PTPRM: variants seen among roughly 807,000 people sequenced by gnomAD.
PTPRM encodes receptor-type tyrosine-protein phosphatase mu.
In PTPRM, 47 loss-of-function variants were observed where a neutral mutation model predicts 186.7. The ratio of observed to expected loss-of-function variants is 0.25; its 90% CI spans 0.20 to 0.32. PTPRM has a LOEUF of 0.32. Ranked by LOEUF, PTPRM falls within the 10% of genes least tolerant of loss-of-function variation. PTPRM has a pLI of 1.00. For missense variants in PTPRM, 1,494 were observed against 1,865.0 expected, an observed-to-expected ratio of 0.80 and a Z score of 3.66; for synonymous variants, 668 against 674.9, an observed-to-expected ratio of 0.99 and a Z score of 0.16.
intron 3 of PTPRM, among the ~76,000 whole-genome samples, chr18:7,893,370 T>C (rs2146407601): frequency 6.6e-6 from 1 of 152,324 alleles, no homozygotes. Flanking sequence ...AGGACTATTT[T>C]GAATCTTAGA....
intron 7 of PTPRM, among the ~76,000 whole-genome samples, chr18:7,961,854 G>A (rs2053702819): frequency 6.6e-6 from 1 of 152,170 alleles, no homozygotes. Flanking sequence ...ATATCTGTCT[G>A]CGTAGAGCTA....
intron 14 of PTPRM, among the ~76,000 whole-genome samples, chr18:8,174,666 C>G (rs555400060): frequency 6.6e-6 from 1 of 152,226 alleles, no homozygotes; most frequent in East Asian, 1.9e-4. Flanking sequence ...ATATGCCTTG[C>G]TACCTGAGTA....
intron 1 of PTPRM, among the ~76,000 whole-genome samples, chr18:7,596,979 C>T (rs1172841260): frequency 6.6e-6 from 1 of 151,990 alleles, no homozygotes; most frequent in Admixed American, 6.6e-5. Context: ...TCAGCCTCCC[C>T]GGTAGCTAGA....
chr18:8,382,589 T>G (rs947798003), intron 29 of PTPRM, among the ~76,000 whole-genome samples: 3 of 152,320 alleles, frequency 2.0e-5, no homozygotes, highest in African/African-American at 7.2e-5. Flanking sequence ...ACGGAAGCAT[T>G]ATTTAAAAAT....
intron 1 of PTPRM, chr18:7,747,600 C>T (rs2041025085): frequency 6.6e-6 from 1 of 152,442 alleles, no homozygotes; most frequent in East Asian, 1.9e-4. Context: ...TGTTCCTTGG[C>T]TTTGTAGGTG....
intron 2 of PTPRM, among the ~76,000 whole-genome samples, chr18:7,841,075 C>A (rs1202585129): frequency 6.6e-6 from 1 of 152,082 alleles, no homozygotes; most frequent in Non-Finnish European, 1.5e-5. Context: ...AACTGAAAAG[C>A]AGATCTCATA....
intron 14 of PTPRM, among the ~76,000 whole-genome samples, chr18:8,160,381 C>T (rs1215862115): frequency 2.6e-5 from 4 of 152,128 alleles, no homozygotes; most frequent in African/African-American, 9.7e-5. Flanking sequence ...CTCCTGGGCT[C>T]AAGTGATCCC....
At chr18:7,755,297 A>G (rs2041426904) in intron 1 of PTPRM, 1 of 152,202 alleles carries the variant, frequency 6.6e-6, no homozygotes, top group Non-Finnish European at 1.5e-5. Flanking sequence ...GAGTATGGAA[A>G]ACAAGCTTAG....
intron 7 of PTPRM, among the ~76,000 whole-genome samples, chr18:8,056,751 CA>C (rs34470950): frequency 6.0e-4 from 86 of 143,798 alleles, no homozygotes; most frequent in East Asian, 8.5e-4. Context: ...CCTTTTTTAG[CA>C]AAAAAAAAAA....
intron 1 of PTPRM, among the ~76,000 whole-genome samples, chr18:7,676,077 G>T (rs1320253366): frequency 6.6e-6 from 1 of 152,052 alleles, no homozygotes; most frequent in Non-Finnish European, 1.5e-5. Flanking sequence ...ATGTATGGGT[G>T]ATACTGTGCT....
chr18:7,702,365 T>A (rs539259367), intron 1 of PTPRM, among the ~76,000 whole-genome samples: 5 of 152,196 alleles, frequency 3.3e-5, no homozygotes, highest in Admixed American at 3.3e-4. Context: ...GCTTCTTGAC[T>A]TTTTAATGAT....
intron 23 of PTPRM, among the ~76,000 whole-genome samples, chr18:8,362,779 A>G (rs1219546875): frequency 6.6e-6 from 1 of 152,210 alleles, no homozygotes; most frequent in Non-Finnish European, 1.5e-5. Context: ...TGTGCTGAGC[A>G]TGTTCTAGGT....
At chr18:8,139,111 T>G (rs530373835) in intron 13 of PTPRM, among the ~76,000 whole-genome samples, 166 of 152,264 alleles carry the variant, frequency 1.1e-3, no homozygotes, top group South Asian at 2.1e-3. Context: ...ACTTGCTATC[T>G]CTTTTGTATG....
chr18:7,651,191 A>C (rs894602303), intron 1 of PTPRM, among the ~76,000 whole-genome samples: 14 of 152,180 alleles, frequency 9.2e-5, no homozygotes, highest in Admixed American at 3.3e-4. Context: ...CAAAAATGCT[A>C]GAATTACAGG....
chr18:7,992,009 A>G (rs1360607536), intron 7 of PTPRM, among the ~76,000 whole-genome samples: 1 of 152,146 alleles, frequency 6.6e-6, no homozygotes, highest in Non-Finnish European at 1.5e-5. Context: ...AAGATACATG[A>G]TAAGGTAAAG....
intron 1 of PTPRM, among the ~76,000 whole-genome samples, chr18:7,618,055 CAG>C (rs2037849397): frequency 6.6e-6 from 1 of 152,128 alleles, no homozygotes; most frequent in Non-Finnish European, 1.5e-5. Flanking sequence ...TTGTTGATGA[CAG>C]ACCCATATTG....
intron 22 of PTPRM, among the ~76,000 whole-genome samples, chr18:8,335,991 C>T (rs2095436931): frequency 6.6e-6 from 1 of 151,930 alleles, no homozygotes; most frequent in Non-Finnish European, 1.5e-5. Flanking sequence ...CACCGCACTC[C>T]AGCCTGGGTG....
intron 1 of PTPRM, among the ~76,000 whole-genome samples, chr18:7,702,847 A>G (rs4798582): frequency 0.38 from 57,112 of 152,072 alleles, 12,513 homozygotes; most frequent in East Asian, 0.84. Flanking sequence ...TATGTCTTTA[A>G]TCCACCTTGA....
intron 14 of PTPRM, among the ~76,000 whole-genome samples, chr18:8,164,939 C>T (rs552815542): frequency 4.6e-4 from 70 of 152,070 alleles, no homozygotes; most frequent in Admixed American, 2.4e-3. Context: ...CCAAGGTGGG[C>T]GGATCACTAG....
Sources: allele counts gnomAD v4.1 joint callset (sites outside exome capture counted in the v4.1 genomes callset), GRCh38; gene constraint gnomAD v4.1.1; transcripts MANE v1.5; gene names NCBI Gene and HGNC (gene_info 2026-07-23, HGNC 2026-07-21).